Variants in SLC36A1 observed in about 807,000 individuals in gnomAD.
SLC36A1 encodes the protein solute carrier family 36 member 1.
A neutral mutation model predicts 47.5 loss-of-function variants in SLC36A1; 30 were observed. The ratio of observed to expected loss-of-function variants is 0.63; its 90% confidence interval spans 0.47 to 0.86. The LOEUF is 0.86. Among genes scored for constraint, SLC36A1 ranks in the 40% least tolerant of loss-of-function variants. SLC36A1 has a pLI of 0.00. For synonymous variants in SLC36A1, 255 were observed against 249.7 expected (o/e 1.02, Z -0.20); for missense variants, 517 against 606.0 (o/e 0.85, Z 1.54).
the SLC36A1 span, among the ~76,000 whole-genome samples, chr5:151,413,746 A>G: frequency 6.6e-6 from 1 of 152,148 alleles, no homozygotes; most frequent in African/African-American, 2.4e-5. Flanking sequence ...ATTTTGTATC[A>G]CTCAAGAGAC....
At chr5:151,498,478 G>A in the SLC36A1 span, among the ~76,000 whole-genome samples, 5 of 152,216 alleles carry the variant, frequency 3.3e-5, no homozygotes, top group African/African-American at 9.6e-5. Flanking sequence ...AGGCATAAAA[G>A]GTTAAATGAC....
At chr5:151,517,421 AC>A in the SLC36A1 span, among the ~76,000 whole-genome samples, 1 of 152,160 alleles carries the variant, frequency 6.6e-6, no homozygotes, top group African/African-American at 2.4e-5. Context: ...CCGTCCTTGG[AC>A]GTATATCTCC....
the SLC36A1 span, among the ~76,000 whole-genome samples, chr5:151,404,730 G>A: frequency 6.6e-6 from 1 of 152,154 alleles, no homozygotes; most frequent in Non-Finnish European, 1.5e-5. Context: ...CTGAAAATAG[G>A]CCCCTAATTA....
At chr5:151,433,706 T>C (rs753101747), upstream of SLC36A1, among the ~76,000 whole-genome samples, 13 of 152,168 alleles carry the variant, frequency 8.5e-5, no homozygotes, top group Admixed American at 3.3e-4. Context: ...GAGACCTGAG[T>C]GGAATGCAGC....
chr5:151,498,826 T>G, the SLC36A1 span, among the ~76,000 whole-genome samples: 8 of 152,304 alleles, frequency 5.3e-5, no homozygotes, highest in East Asian at 1.5e-3. Flanking sequence ...GCTGGGCCCC[T>G]GTGGACCCAT....
the SLC36A1 span, among the ~76,000 whole-genome samples, chr5:151,431,885 A>T: frequency 6.6e-6 from 1 of 152,204 alleles, no homozygotes; most frequent in Non-Finnish European, 1.5e-5. Flanking sequence ...GGCATGCAGG[A>T]GCTGCAAAAT....
chr5:151,347,310 T>A, the SLC36A1 span: 1 of 1,602,568 alleles, frequency 6.2e-7, no homozygotes, highest in Non-Finnish European at 8.6e-7. Context: ...ATGCCCTTGG[T>A]CTTCTTCAAG....
chr5:151,359,324 A>G, the SLC36A1 span, among the ~76,000 whole-genome samples: 2 of 152,244 alleles, frequency 1.3e-5, no homozygotes, highest in Non-Finnish European at 2.9e-5. Context: ...CTCTCCTGAT[A>G]CAACATCGAA....
chr5:151,446,081 C>T (rs1471889336), upstream of SLC36A1, among the ~76,000 whole-genome samples: 2 of 152,002 alleles, frequency 1.3e-5, no homozygotes, highest in South Asian at 2.1e-4. Context: ...TGGTCTCTTT[C>T]TTCTCTTTTA....
At chr5:151,423,976 AAAC>A in the SLC36A1 span, among the ~76,000 whole-genome samples, 2 of 76,738 alleles carry the variant, frequency 2.6e-5, no homozygotes, top group Non-Finnish European at 5.1e-5. Flanking sequence ...ATTAAAAAAC[AAAC>A]AAACAAAACA....
upstream of SLC36A1, among the ~76,000 whole-genome samples, chr5:151,444,492 T>G (rs998426133): frequency 5.9e-5 from 9 of 152,130 alleles, no homozygotes; most frequent in African/African-American, 2.2e-4. Context: ...ATATTATTGA[T>G]TTTTTAATTT....
the SLC36A1 span, among the ~76,000 whole-genome samples, chr5:151,516,840 T>G: frequency 6.6e-6 from 1 of 152,306 alleles, no homozygotes; most frequent in African/African-American, 2.4e-5. Context: ...GGGCAGTGGT[T>G]CATGCCTGTA....
chr5:151,529,346 C>T, the SLC36A1 span: 4 of 1,613,954 alleles, frequency 2.5e-6, no homozygotes, highest in Non-Finnish European at 3.4e-6. Context: ...ACAGGAAGTA[C>T]TTGGGGCTTG....
the SLC36A1 span, among the ~76,000 whole-genome samples, chr5:151,408,352 C>A: frequency 1.3e-5 from 2 of 152,104 alleles, no homozygotes; most frequent in Non-Finnish European, 1.5e-5. Context: ...CCACGCCTGG[C>A]TAATTTTTGT....
the SLC36A1 span, chr5:151,545,567 T>C: frequency 8.7e-6 from 14 of 1,614,132 alleles, no homozygotes; most frequent in East Asian, 6.7e-5. Flanking sequence ...TGGGCAGGTC[T>C]GGGTGCAAAT....
the SLC36A1 span, among the ~76,000 whole-genome samples, chr5:151,364,218 C>T: frequency 6.6e-6 from 1 of 152,092 alleles, no homozygotes; most frequent in East Asian, 1.9e-4. Context: ...ACCTACCTAG[C>T]TTTTCTTAAT....
chr5:151,526,412 C>T, the SLC36A1 span, among the ~76,000 whole-genome samples: 5 of 152,184 alleles, frequency 3.3e-5, no homozygotes, highest in Admixed American at 6.5e-5. Flanking sequence ...CTGATAAGCA[C>T]ACTTAAAGAT....
chr5:151,529,424 G>A, the SLC36A1 span: 1 of 1,599,056 alleles, frequency 6.3e-7, no homozygotes, highest in African/African-American at 1.3e-5. Context: ...GCAGCAATGA[G>A]GCAGTTGGGC....
chr5:151,370,891 G>C, the SLC36A1 span, among the ~76,000 whole-genome samples: 2 of 152,168 alleles, frequency 1.3e-5, no homozygotes, highest in African/African-American at 2.4e-5. Context: ...TACTTGGGAG[G>C]CTGAGGCAGG....
Sources: allele counts gnomAD v4.1 joint callset (sites outside exome capture counted in the v4.1 genomes callset), GRCh38; gene constraint gnomAD v4.1.1; transcripts MANE v1.5; gene names NCBI Gene and HGNC (gene_info 2026-07-23, HGNC 2026-07-21).